RGMA: variants seen among roughly 807,000 people sequenced by gnomAD.
The protein encoded by RGMA is repulsive guidance molecule A.
In RGMA, 10 loss-of-function variants were observed where a neutral mutation model predicts 23.2. The ratio of observed to expected loss-of-function variants is 0.43; its 90% CI spans 0.27 to 0.73. The LOEUF (loss-of-function observed/expected upper bound fraction) is 0.73. RGMA is among the 30% of genes least tolerant of loss of function. The probability of loss-of-function intolerance (pLI) is 0.20; values close to 1 mark genes in which losing one functional copy is unlikely to be tolerated. For missense variants in RGMA, 547 were observed against 630.5 expected, an observed-to-expected ratio of 0.87 and a Z score of 1.42; for synonymous variants, 308 against 279.3, an observed-to-expected ratio of 1.10 and a Z score of -1.03.
At chr15:93,047,790 G>A (rs1269029382) in intron 3 of RGMA, among the ~76,000 whole-genome samples, 8 of 152,242 alleles carry the variant, frequency 5.3e-5, no homozygotes, top group East Asian at 1.9e-4. Flanking sequence ...CAATGCCGCC[G>A]CGTGCCAAGG....
At chr15:93,058,470 G>A (rs1484679578) in intron 2 of RGMA, among the ~76,000 whole-genome samples, 1 of 152,270 alleles carries the variant, frequency 6.6e-6, no homozygotes, top group Non-Finnish European at 1.5e-5. Flanking sequence ...GTGACAGCCA[G>A]TTTTGTGTTA....
At chr15:93,065,661 CG>C in intron 2 of RGMA, 1 of 1,052,808 alleles carries the variant, frequency 9.5e-7, no homozygotes, top group Non-Finnish European at 1.4e-6. Flanking sequence ...TGCCGGGGGC[CG>C]GGGCCTGCTG....
intron 1 of RGMA, chr15:93,073,484 G>C (rs1895409420): frequency 8.3e-7 from 1 of 1,208,546 alleles, no homozygotes; most frequent in Non-Finnish European, 1.1e-6. Flanking sequence ...ATGAGGCGGG[G>C]CAGGACGCCC....
In RGMA at chr15:93,073,744, C is replaced by T. The variant is rs755463441; in HGVS notation, c.15-713G>A. 29 of 1,537,062 alleles carry T rather than the reference C, an allele frequency of 1.9e-5. No homozygotes were observed. The highest frequency in any genetic ancestry group is 2.4e-5 in the Non-Finnish European group (28 of 1,146,884). On this transcript the variant is annotated intron_variant, in intron 1 of 3. Transcript: ENST00000329082. Reference sequence around the variant, plus strand: ...CTCGAGGTTCCCGCCCGTCGTGGCCCCAGGCCACCCATCCTGACTGGGTTT... The same window carrying T: ...CTCGAGGTTCCCGCCCGTCGTGGCCTCAGGCCACCCATCCTGACTGGGTTT...
intron 1 of RGMA, chr15:93,073,958 A>ACTTGGG: frequency 7.0e-7 from 1 of 1,424,950 alleles, no homozygotes; most frequent in East Asian, 2.6e-5. Context: ...CGAGGCCCGC[A>ACTTGGG]AGGCTGCACT....
At chr15:93,059,053 T>C (rs1335513744) in intron 2 of RGMA, among the ~76,000 whole-genome samples, 1 of 152,228 alleles carries the variant, frequency 6.6e-6, no homozygotes, top group Non-Finnish European at 1.5e-5. Flanking sequence ...GATCGTCATT[T>C]TGCAGATGCA....
Position 93,052,174 on chromosome 15 carries a change from G to C in RGMA, c.464C>G (p.Ser155Trp). The C allele has an allele frequency of 1.2e-6, 2 of 1,612,870 alleles. No individual in the cohort carries two copies. The highest frequency in any genetic ancestry group is 2.2e-5 in the South Asian group (2 of 91,084). The change falls in exon 3 of 4, where the codon TCG becomes TGG. Residue 155 changes from serine to tryptophan, a missense_variant. Physicochemically the swap from Ser to Trp is radical, Grantham distance 177. Coordinates refer to ENST00000329082, the MANE Select transcript of RGMA (RefSeq NM_020211.3). Reference sequence around the variant, plus strand: ...ACAGTGCGTGTAGTTGGGGGTGGCCGAGTGCTTGTGAAAGCTCTTCTCGTA... The same window carrying C: ...ACAGTGCGTGTAGTTGGGGGTGGCCCAGTGCTTGTGAAAGCTCTTCTCGTA... ...CHYEKSFHKH[S>W]ATPNYTHCGL...
chr15:93,045,320 G>T lies in RGMA; in HGVS notation c.1031C>A (p.Ala344Asp), dbSNP rs761569308. The T allele has an allele frequency of 1.2e-6, 2 of 1,611,950 alleles. No homozygotes were observed. Among genetic ancestry groups the T allele is most frequent in the Middle Eastern group, 1.7e-4 (1 of 6,060 alleles). The part of the protein sequence containing the change: ...AEGTGARRLA[A>D]ASPAPTAPET... ...GGGGGCTGTGGGTGCAGGGCTGGCG[G>T]CTGCCAGCCTGCGGGCACCGGTGCC... is the stretch of plus-strand genomic sequence containing the variant. The change falls in exon 4 of 4, where the codon GCC becomes GAC. Residue 344 changes from alanine to aspartate, a missense_variant. This residue lies in a region of RGMA where 205 missense variants were observed against 204.1 expected (regional missense o/e 1.00). Coordinates refer to ENST00000329082, the MANE Select transcript of RGMA (RefSeq NM_020211.3). The surrounding 1 kb of genome is among the most constrained non-coding windows in gnomAD (Gnocchi z 6.9).
chr15:93,065,750 G>A, intron 2 of RGMA: 10 of 1,194,392 alleles, frequency 8.4e-6, no homozygotes, highest in South Asian at 2.4e-5. Flanking sequence ...CCGTGGCTGG[G>A]CTTGGTCTCA....
chr15:93,047,969 G>C (rs1256083498), intron 3 of RGMA, among the ~76,000 whole-genome samples: 1 of 152,158 alleles, frequency 6.6e-6, no homozygotes, highest in African/African-American at 2.4e-5. Context: ...GTCTGGCCAG[G>C]AATGCAGCAT....
chr15:93,073,680 T>C lies in RGMA; in HGVS notation c.15-649A>G, dbSNP rs1596104645. The C allele has an allele frequency of 6.5e-6, 10 of 1,537,232 alleles. No individual in the cohort carries two copies. In the East Asian group the frequency reaches 2.4e-4, roughly 38 times the overall value. The stretch of plus-strand genomic sequence containing the variant: ...AACCCACTTCCGAGTTGTCTAGGTC[T>C]GGGCAGGATGGCTCTCTGCATCTCA... On this transcript the variant is annotated intron_variant, in intron 1 of 3. Transcript: ENST00000329082.
intron 1 of RGMA, among the ~76,000 whole-genome samples, chr15:93,076,677 T>A (rs542337529): frequency 6.6e-6 from 1 of 152,316 alleles, no homozygotes; most frequent in Admixed American, 6.5e-5. Flanking sequence ...ACTTTACATT[T>A]CTAGAAACTT....
intron 1 of RGMA, chr15:93,074,089 G>C: frequency 9.1e-7 from 1 of 1,103,720 alleles, no homozygotes; most frequent in South Asian, 2.6e-5. Context: ...ATATTTAAGG[G>C]ACTGGTAACT....
At chr15:93,066,528 C>CCG in intron 2 of RGMA, 1 of 485,890 alleles carries the variant, frequency 2.1e-6, no homozygotes. Flanking sequence ...GCCCCTGCCA[C>CCG]CGCCCTCCCC....
chr15:93,071,064 A>T (rs79792796), intron 2 of RGMA, among the ~76,000 whole-genome samples: 74 of 152,302 alleles, frequency 4.9e-4, no homozygotes, highest in African/African-American at 1.7e-3. Flanking sequence ...AAGAGCGGGA[A>T]GGTGTTGTTT....
intron 2 of RGMA, among the ~76,000 whole-genome samples, chr15:93,059,933 A>G (rs1252105952): frequency 6.6e-6 from 1 of 152,198 alleles, no homozygotes; most frequent in East Asian, 1.9e-4. Context: ...TGAGCTGAAA[A>G]ACAGATCTTA....
At chr15:93,078,094 G>A (rs187852800) in intron 1 of RGMA, among the ~76,000 whole-genome samples, 1 of 152,332 alleles carries the variant, frequency 6.6e-6, no homozygotes, top group Admixed American at 6.5e-5. Flanking sequence ...GCCTCCCCAA[G>A]CCACTCTTCA....
In RGMA at chr15:93,042,030, G is replaced by A. The variant is rs2054730497; in HGVS notation, c.*2968C>T. On this transcript the variant is annotated 3_prime_UTR_variant, in exon 4 of 4. Coordinates refer to ENST00000329082, the MANE Select transcript of RGMA (RefSeq NM_020211.3). The stretch of plus-strand genomic sequence containing the variant: ...TACAAAAAATTAGCCAGGCGTGGTG[G>A]TGTGTGCCTGTAGTCCCAGCTACTT... 1 of 152,422 alleles carries A rather than the reference G, an allele frequency of 6.6e-6. No homozygotes were observed. The highest frequency in any genetic ancestry group is 2.1e-4 in the South Asian group (1 of 4,838). 9.4% of individuals were successfully genotyped at this position (152,422 alleles called of 1,614,324 possible).
intron 3 of RGMA, among the ~76,000 whole-genome samples, 185 bp downstream of exon 3, chr15:93,051,808 C>G (rs1353998007): frequency 2.0e-5 from 3 of 152,144 alleles, no homozygotes; most frequent in African/African-American, 4.8e-5. Context: ...CGGGCTGGCT[C>G]GAGGAAGGAG....
Sources: gnomAD v4.1 joint callset for allele counts (sites outside exome capture counted in the v4.1 genomes callset) on GRCh38, gnomAD v4.1.1 for gene constraint, gnomAD v4.1.1 regional missense constraint, Gnocchi (gnomAD v3.1) non-coding constraint, MANE v1.5 for transcripts, NCBI Gene and HGNC (gene_info 2026-07-23, HGNC 2026-07-21) for gene names.